The following TBC1D25 variants were observed in gnomAD, a reference collection of about 807,000 sequenced individuals.
TBC1D25 encodes the protein TBC1 domain family member 25.
A neutral mutation model predicts 38.8 loss-of-function variants in TBC1D25; 13 were observed. The observed-to-expected ratio is 0.34, with a 90% confidence interval of 0.22 to 0.53. The LOEUF is 0.53. Among genes scored for constraint, TBC1D25 ranks in the 20% least tolerant of loss-of-function variants. The pLI, the probability that TBC1D25 is intolerant of heterozygous loss-of-function variation, is 0.94. For synonymous variants in TBC1D25, 225 were observed against 255.6 expected (o/e 0.88, Z 1.14); for missense variants, 372 against 600.0 (o/e 0.62, Z 3.97).
chrX:48,548,585 C>A (rs2061905326), intron 3 of TBC1D25, among the ~76,000 whole-genome samples: 2 of 111,844 alleles, frequency 1.8e-5, no homozygotes, highest in South Asian at 7.4e-4. Context: ...ACTAATCTTT[C>A]ATTACCCAGT....
chrX:48,540,587 G>A (rs782435695), intron 1 of TBC1D25, among the ~76,000 whole-genome samples: 3 of 111,851 alleles, frequency 2.7e-5, no homozygotes, highest in South Asian at 7.4e-4. Context: ...GATTGCTGGA[G>A]TGGAGAGAAT....
chrX:48,548,917 G>C, intron 3 of TBC1D25, among the ~76,000 whole-genome samples: 1 of 112,565 alleles, frequency 8.9e-6, no homozygotes, highest in Non-Finnish European at 1.9e-5. Context: ...TTTCATGGCT[G>C]TGAAAGCAAC....
intron 1 of TBC1D25, 23 bp downstream of exon 1, chrX:48,539,943 C>T (rs2061824909): frequency 2.1e-6 from 2 of 945,032 alleles, no homozygotes; most frequent in South Asian, 5.4e-5. Context: ...GTGAGTCGGC[C>T]CAGCCGCCGA....
intron 2 of TBC1D25, among the ~76,000 whole-genome samples, chrX:48,543,537 C>T (rs2061857965): frequency 9.5e-6 from 1 of 105,342 alleles, no homozygotes; most frequent in South Asian, 4.6e-4. Context: ...ACCTGGCCTG[C>T]TTTTTGAACT....
chrX:48,543,849 A>C, intron 2 of TBC1D25, among the ~76,000 whole-genome samples: 1 of 102,259 alleles, frequency 9.8e-6, no homozygotes, highest in Non-Finnish European at 2.0e-5. Context: ...GCACCATTGC[A>C]CTCCAGACTG....
chrX:48,560,376 A>C lies in TBC1D25; in HGVS notation c.1468A>C (p.Thr490Pro). The change falls in exon 6 of 6, where the codon ACA (threonine) becomes CCA (proline). Residue 490 changes from threonine to proline, a missense_variant. Coordinates refer to ENST00000376771, the MANE Select transcript of TBC1D25 (RefSeq NM_002536.4). Reference sequence around the variant, plus strand: ...TGAAGATGCTGTTGACCACCTGGCCACAGCCAGTCAGGGGCCTGGTGGTGG... The same window carrying C: ...TGAAGATGCTGTTGACCACCTGGCCCCAGCCAGTCAGGGGCCTGGTGGTGG... ...TFEDAVDHLA[T>P]ASQGPGGGGR... 8.3e-7 allele frequency: 1 copy of C among 1,211,525 alleles called. No homozygotes were observed. The highest frequency in any genetic ancestry group is 1.1e-6 in the Non-Finnish European group (1 of 895,431).
rs144788066 is a variant in TBC1D25 at position 48,560,421 on chromosome X, G to A, written c.1513G>A (p.Ala505Thr). ...TGGTGGGGGGCGTCTCCTGAGACAG[G>A]CCAGCTTGGATGGCCTCCAGCAACT... ...PGGGGRLLRQ[A>T]SLDGLQQLRD... is the part of the protein sequence containing the mutation. Residue 505 changes from alanine to threonine, a missense_variant, in exon 6 of 6, where the codon GCC (alanine) becomes ACC (threonine). Around this residue, in one of 2 missense-constraint regions of TBC1D25, gnomAD observed 312 missense variants for 549.3 expected, o/e 0.57. Transcript: ENST00000376771. The A allele has an allele frequency of 5.8e-6, 7 of 1,209,259 alleles. No individual in the cohort carries two copies. The highest frequency in any genetic ancestry group is 7.8e-6 in the Non-Finnish European group (7 of 894,869).
rs2062024545 is a variant in TBC1D25 at position 48,561,282 on chromosome X, C to A, written c.*307C>A. 4.1e-6 allele frequency: 1 copy of A among 246,057 alleles called. No homozygotes were observed. Among genetic ancestry groups the A allele is most frequent in the Non-Finnish European group, 7.2e-6 (1 of 138,611 alleles). 20.3% of individuals were successfully genotyped at this position (246,057 alleles called of 1,213,427 possible). A position where few individuals can be genotyped will look rare whatever the true frequency, so the allele number is the denominator to read the frequency against. On this transcript the variant is annotated 3_prime_UTR_variant, in exon 6 of 6. Transcript: ENST00000376771. ...TTGCTGTAGATGGAGTCCTCAGGGG[C>A]CCTTTACCTGATGGAGGGGAAATAC...
At chrX:48,542,992 T>C (rs1287630799) in intron 2 of TBC1D25, among the ~76,000 whole-genome samples, 1 of 111,585 alleles carries the variant, frequency 9.0e-6, no homozygotes, top group Admixed American at 9.6e-5. Context: ...ATTGTCATAA[T>C]TGTTCTATTA....
At chrX:48,558,472 A>T (rs1556984996) in intron 3 of TBC1D25, among the ~76,000 whole-genome samples, 1 of 111,730 alleles carries the variant, frequency 9.0e-6, no homozygotes, top group African/African-American at 3.3e-5. Context: ...TTCCTCAAAG[A>T]GAGTCATGGT....
intron 3 of TBC1D25, among the ~76,000 whole-genome samples, chrX:48,545,338 A>T (rs1602103582): frequency 8.9e-6 from 1 of 112,738 alleles, no homozygotes; most frequent in South Asian, 3.6e-4. Context: ...GTATTATACT[A>T]TTATAACATA....
At chrX:48,542,510 CAG>C (rs1394857019) in intron 2 of TBC1D25, among the ~76,000 whole-genome samples, 1 of 95,997 alleles carries the variant, frequency 1.0e-5, no homozygotes, top group East Asian at 3.3e-4. Context: ...TTTTTGGAGA[CAG>C]AGTCTCACTC....
At chrX:48,540,387 A>G (rs890330509) in intron 1 of TBC1D25, among the ~76,000 whole-genome samples, 3 of 112,258 alleles carry the variant, frequency 2.7e-5, no homozygotes, top group Non-Finnish European at 5.6e-5. Flanking sequence ...GAAAAAGGTT[A>G]TGAAATAGGG....
In TBC1D25 at chrX:48,560,117, C is replaced by G. The variant is rs2062010860; in HGVS notation, c.1209C>G (p.Leu403=). The G allele has an allele frequency of 1.7e-6, 2 of 1,208,607 alleles. No individual in the cohort carries two copies. The highest frequency in any genetic ancestry group is 3.5e-5 in the African/African-American group (2 of 57,376). The change falls in exon 6 of 6, where the codon CTC becomes CTG. Residue 403 remains leucine, a synonymous_variant. Coordinates refer to ENST00000376771, the MANE Select transcript of TBC1D25 (RefSeq NM_002536.4). The part of the protein sequence containing the change: ...QYLQEAGADD[L]FFCYRWLLLE... ...TGCAAGAGGCAGGCGCTGATGACCT[C>G]TTCTTCTGTTACCGCTGGCTGCTGC...
In TBC1D25 at chrX:48,544,068, A is replaced by G. The variant is rs143572197; in HGVS notation, c.234-801A>G. Among the ~76,000 whole-genome samples, 2,526 of 111,533 alleles carry G rather than the reference A, an allele frequency of 0.023. 141 individuals are homozygous for G. The East Asian group carries it at 0.23, about 10-fold the overall frequency. On this transcript the variant is annotated intron_variant, in intron 2 of 5. Transcript: ENST00000376771. ...TGTGATTTTGGAGGAATACATACACATGGTAAGAAATTCAAACAGTACACA... is the reference window on the plus strand; with the variant it reads ...TGTGATTTTGGAGGAATACATACACGTGGTAAGAAATTCAAACAGTACACA...
At position 48,560,314 on chromosome X, in the gene TBC1D25, A is replaced by G; in HGVS notation, c.1406A>G (p.His469Arg). The change falls in exon 6 of 6, where the codon CAC becomes CGC. Residue 469 changes from histidine (H) to arginine (R), a missense_variant. Physicochemically the swap from His to Arg is conservative, Grantham distance 29. This residue lies in a region of TBC1D25 where 312 missense variants were observed against 549.3 expected (regional missense o/e 0.57). Coordinates refer to ENST00000376771, the MANE Select transcript of TBC1D25 (RefSeq NM_002536.4). The stretch of plus-strand genomic sequence containing the variant: ...AGGGGGTGGCCCGTGCGACAGAGGC[A>G]CATGCTGAGGCCTGCTGGTGGAGGA... ...GHRGWPVRQR[H>R]MLRPAGGGGS... The G allele has an allele frequency of 8.3e-7, 1 of 1,211,760 alleles. No individual in the cohort carries two copies. The highest frequency in any genetic ancestry group is 1.1e-6 in the Non-Finnish European group (1 of 895,503).
Position 48,560,062 on chromosome X carries a change from G to A in TBC1D25, c.1154G>A (p.Arg385Gln), listed in dbSNP as rs929920312. The A allele has an allele frequency of 1.5e-5, 18 of 1,208,229 alleles. No homozygotes were observed. Among genetic ancestry groups the A allele is most frequent in the Middle Eastern group, 2.3e-4 (1 of 4,369 alleles). The part of the protein sequence containing the change: ...TKFAHLKLLL[R>Q]HADPDFYQYL... ...TTTGCACACTTGAAGCTGTTGCTGCGACACGCTGACCCTGACTTTTATCAA... is the reference window on the plus strand; with the variant it reads ...TTTGCACACTTGAAGCTGTTGCTGCAACACGCTGACCCTGACTTTTATCAA... The change falls in exon 6 of 6, where the codon CGA becomes CAA. Residue 385 changes from arginine to glutamine, a missense_variant. Physicochemically the swap from Arg to Gln is conservative, Grantham distance 43. Coordinates refer to ENST00000376771, the MANE Select transcript of TBC1D25 (RefSeq NM_002536.4).
intron 3 of TBC1D25, among the ~76,000 whole-genome samples, chrX:48,551,113 G>GA (rs2061928407): frequency 9.0e-6 from 1 of 111,594 alleles, no homozygotes; most frequent in Middle Eastern, 4.2e-3. Flanking sequence ...TTATGATAAG[G>GA]AAATGCGCGT....
Position 48,561,802 on chromosome X carries a change from C to A in TBC1D25, c.*827C>A, listed in dbSNP as rs782189010. On this transcript the variant is annotated 3_prime_UTR_variant, in exon 6 of 6. Transcript: ENST00000376771. ...TCACATTGTTGAATTACAAAAGGAT[C>A]TAGGGCTCCTATTCTTGTCACTTGC... 5 of 112,654 alleles carry A rather than the reference C, an allele frequency of 4.4e-5. No individual in the cohort carries two copies. The highest frequency in any genetic ancestry group is 9.4e-5 in the Non-Finnish European group (5 of 53,332). 9.3% of individuals were successfully genotyped at this position (112,654 alleles called of 1,213,427 possible).
Sources: gnomAD v4.1 joint callset for allele counts (sites outside exome capture counted in the v4.1 genomes callset) on GRCh38, gnomAD v4.1.1 for gene constraint, gnomAD v4.1.1 regional missense constraint, MANE v1.5 for transcripts, NCBI Gene and HGNC (gene_info 2026-07-23, HGNC 2026-07-21) for gene names.